Variants in RBBP8NL observed in about 807,000 individuals in gnomAD.
RBBP8NL encodes the protein RBBP8 N-terminal-like protein.
Under a neutral mutation model 62.2 loss-of-function variants are expected in RBBP8NL, and 59 were observed. That is an observed-to-expected ratio of 0.95 (90% CI 0.77 to 1.18). The LOEUF is 1.18. Ranked by LOEUF, RBBP8NL falls within the 50% of genes most tolerant of loss-of-function variation. RBBP8NL has a pLI of 0.00. For missense variants in RBBP8NL, 896 were observed against 899.5 expected, an observed-to-expected ratio of 1.00 and a Z score of 0.05; for synonymous variants, 412 against 394.1, an observed-to-expected ratio of 1.05 and a Z score of -0.54.
chr20:62,422,643 T>TGGGGACGGGGCCCAGGGG (rs1988730893), intron 1 of RBBP8NL, among the ~76,000 whole-genome samples: 1 of 11,040 alleles, frequency 9.1e-5, no homozygotes, highest in Admixed American at 1.0e-3. Context: ...GGGCCCGGGG[T>TGGGGACGGGGCCCAGGGG]GGGGATGGGG....
chr20:62,417,725 A>T (rs78231276), intron 3 of RBBP8NL, among the ~76,000 whole-genome samples: 4 of 67,646 alleles, frequency 5.9e-5, no homozygotes, highest in African/African-American at 6.6e-5. Context: ...ACGCCCCCCC[A>T]GTCATCTGCA....
chr20:62,415,527 T>G (rs892400750), intron 8 of RBBP8NL, 51 bp downstream of exon 8: 9 of 1,586,276 alleles, frequency 5.7e-6, no homozygotes, highest in Non-Finnish European at 6.9e-6. Context: ...TCCAGCCTCC[T>G]GCCTGCGCCG....
chr20:62,422,510 G>A (rs987537672), intron 1 of RBBP8NL, among the ~76,000 whole-genome samples: 3 of 101,222 alleles, frequency 3.0e-5, no homozygotes, highest in African/African-American at 7.6e-5. Flanking sequence ...CTTGGACCCC[G>A]AGAGAGGCCT....
At position 62,417,309 on chromosome 20, in the gene RBBP8NL, T is replaced by C. The variant is rs374860260; in HGVS notation, c.115A>G (p.Arg39Gly). ...TTCTTGGAGAAGAGCTCCTCGATCCTCTGGGCGTCCCTGTGGTGGGAAACA... is the reference window on the plus strand; with the variant it reads ...TTCTTGGAGAAGAGCTCCTCGATCCCCTGGGCGTCCCTGTGGTGGGAAACA... The part of the protein sequence containing the change: ...LNSERCRDAQ[R>G]IEELFSKNHQ... Residue 39 changes from arginine to glycine, a missense_variant, in exon 4 of 14, where the codon AGG (arginine) becomes GGG (glycine). Physicochemically the swap from Arg to Gly is moderately radical, Grantham distance 125 (BLOSUM62 -2). Transcript: ENST00000252998. 3 of 1,596,914 alleles carry C rather than the reference T, an allele frequency of 1.9e-6. No homozygotes were observed. The highest frequency in any genetic ancestry group is 2.7e-5 in the African/African-American group (2 of 74,676).
At chr20:62,417,989 C>CGG (rs1569025881) in intron 3 of RBBP8NL, among the ~76,000 whole-genome samples, 1 of 144,232 alleles carries the variant, frequency 6.9e-6, no homozygotes, top group African/African-American at 2.8e-5. Flanking sequence ...ACCGCCCCCC[C>CGG]TGTCATCTGC....
chr20:62,422,639 G>GGGGTGGGGACGGGGCCCA (rs1988730631), intron 1 of RBBP8NL, among the ~76,000 whole-genome samples: 3 of 148,550 alleles, frequency 2.0e-5, no homozygotes, highest in African/African-American at 7.6e-5. Context: ...GATGGGGCCC[G>GGGGTGGGGACGGGGCCCA]GGGTGGGGAT....
At chr20:62,416,986 T>C in intron 4 of RBBP8NL, 114 bp from the exon 5 acceptor site, 2 of 853,292 alleles carry the variant, frequency 2.3e-6, no homozygotes, top group Non-Finnish European at 3.6e-6. Context: ...AACTATTCCG[T>C]AGAGCCCCAG....
In RBBP8NL at chr20:62,415,490, G is replaced by A. The variant is rs905039531; in HGVS notation, c.627+88C>T. On this transcript the variant is annotated intron_variant, in intron 8 of 13. Transcript: ENST00000252998. Reference sequence around the variant, plus strand: ...CACATTCAGGGTTAGGCGCATGAGAGGCTGGCATACTGAAAGTGCAGCTGC... The same window carrying A: ...CACATTCAGGGTTAGGCGCATGAGAAGCTGGCATACTGAAAGTGCAGCTGC... 5.6e-5 allele frequency: 82 copies of A among 1,468,558 alleles called. 1 individual carries two copies. The highest frequency in any genetic ancestry group is 1.2e-4 in the Admixed American group (7 of 59,284). 91.0% of individuals were successfully genotyped at this position (1,468,558 alleles called of 1,614,324 possible).
Position 62,416,177 on chromosome 20 carries a change from G to T in RBBP8NL, c.373C>A (p.Leu125Ile). 1 of 1,612,576 alleles carries T rather than the reference G, an allele frequency of 6.2e-7. No homozygotes were observed. Among genetic ancestry groups the T allele is most frequent in the Non-Finnish European group, 8.5e-7 (1 of 1,179,608 alleles). ...NETLKEEVKR[L>I]RGLGDRPKPR... ...TTTCCCACTCACCCCAGGCCCCGAA[G>T]CCGCTTCACCTCCTCCTTCAAGGTC... The change falls in exon 6 of 14, where the codon CTT becomes ATT. Residue 125 changes from leucine (L) to isoleucine (I), a missense_variant. Coordinates refer to ENST00000252998, the MANE Select transcript of RBBP8NL (RefSeq NM_080833.3).
Position 62,417,440 on chromosome 20 carries a change from G to A in RBBP8NL, c.105-121C>T, listed in dbSNP as rs551208563. The stretch of plus-strand genomic sequence containing the variant: ...CCTGCAGCCTTGGTCTGGGGGCAAC[G>A]CCTAACCCGGTGCCCCCCTCCCAGT... On this transcript the variant is annotated intron_variant, in intron 3 of 13. Coordinates refer to ENST00000252998, the MANE Select transcript of RBBP8NL (RefSeq NM_080833.3). The A allele has an allele frequency of 2.0e-3, 1,381 of 693,112 alleles. 28 individuals are homozygous for A. In the African/African-American group the frequency reaches 0.031, roughly 15 times the overall value. 42.9% of individuals were successfully genotyped at this position (693,112 alleles called of 1,614,324 possible).
intron 13 of RBBP8NL, 136 bp from the exon 14 acceptor site, chr20:62,411,132 G>T: frequency 1.5e-6 from 1 of 669,356 alleles, no homozygotes; most frequent in Non-Finnish European, 2.7e-6. Context: ...GGCCACCCTT[G>T]TTCCTACAGA....
At chr20:62,423,478 G>C (rs765477318) in intron 1 of RBBP8NL, among the ~76,000 whole-genome samples, 2 of 152,190 alleles carry the variant, frequency 1.3e-5, no homozygotes, top group Non-Finnish European at 2.9e-5. Flanking sequence ...GGGCCAGGAG[G>C]GGGCGGAGCT....
Position 62,414,458 on chromosome 20 carries a change from A to G in RBBP8NL, c.893T>C (p.Leu298Pro). 1 of 1,492,812 alleles carries G rather than the reference A, an allele frequency of 6.7e-7. No homozygotes were observed. Among genetic ancestry groups the G allele is most frequent in the Non-Finnish European group, 9.0e-7 (1 of 1,117,278 alleles). The allele number at this position is 1,492,812 out of a possible 1,614,324, so 92.5% of individuals were successfully genotyped here. A position where few individuals can be genotyped will look rare whatever the true frequency, so the allele number is the denominator to read the frequency against. ...RLCLLNRPLSLHLQSPHSSPL... is the reference protein window; with the variant it reads ...RLCLLNRPLSPHLQSPHSSPL... Reference sequence around the variant, plus strand: ...GCTGCTGTGGGGGCTCTGAAGGTGCAGGGACAGGGGGCGGTTTAGGAGGCA... The same window carrying G: ...GCTGCTGTGGGGGCTCTGAAGGTGCGGGGACAGGGGGCGGTTTAGGAGGCA... The change falls in exon 10 of 14, where the codon CTG (leucine) becomes CCG (proline). Residue 298 changes from leucine to proline, a missense_variant. Leu to Pro is a moderately conservative substitution (Grantham distance 98). Transcript: ENST00000252998.
At position 62,413,999 on chromosome 20, in the gene RBBP8NL, C is replaced by A; in HGVS notation, c.1352G>T (p.Arg451Leu). The change falls in exon 10 of 14, where the codon CGG becomes CTG. Residue 451 changes from arginine (R) to leucine (L), a missense_variant. Arg to Leu is a moderately radical substitution (Grantham distance 102). Transcript: ENST00000252998. ...GGCCGGCTTGGGAGTGTCCTGGCCC[C>A]GGGCCCGGCCCCACTCCGAGAGGTC... The part of the protein sequence containing the change: ...PLDLSEWGRA[R>L]GQDTPKPAGQ... 6.4e-7 allele frequency: 1 copy of A among 1,569,580 alleles called. No homozygotes were observed. Among genetic ancestry groups the A allele is most frequent in the Non-Finnish European group, 8.6e-7 (1 of 1,158,336 alleles).
Position 62,410,717 on chromosome 20 carries a change from G to GAGCT in RBBP8NL, c.*157_*160dup. 1 of 651,612 alleles carries GAGCT rather than the reference G, an allele frequency of 1.5e-6. No individual in the cohort carries two copies. Among genetic ancestry groups the GAGCT allele is most frequent in the Non-Finnish European group, 2.7e-6 (1 of 367,770 alleles). The allele number at this position is 651,612 out of a possible 1,614,324, so 40.4% of individuals were successfully genotyped here. A position where few individuals can be genotyped will look rare whatever the true frequency, so the allele number is the denominator to read the frequency against. On this transcript the variant is annotated 3_prime_UTR_variant, in exon 14 of 14. Transcript: ENST00000252998. ...CTCCAGGCTGTGGTGAGCAGGCAGA[G>GAGCT]AGCTGCCCTGGGCTCACTGTGGGTT...
intron 1 of RBBP8NL, among the ~76,000 whole-genome samples, chr20:62,426,780 C>T (rs573006005): frequency 6.6e-6 from 1 of 152,364 alleles, no homozygotes; most frequent in South Asian, 2.1e-4. Flanking sequence ...ACTCGTGTAC[C>T]CCACACGCGC....
At position 62,424,852 on chromosome 20, in the gene RBBP8NL, C is replaced by T. The variant is rs536921342; in HGVS notation, c.-84+2608G>A. 3.3e-5 allele frequency among the ~76,000 whole-genome samples: 5 copies of T among 152,248 alleles called. No individual in the cohort carries two copies. In the East Asian group the frequency reaches 7.7e-4, roughly 24 times the overall value. ...GTTTGCTGTTGTTAATCCTACCTCA[C>T]GCATTCTCAGAGCCCCAGCAGAGAG... On this transcript the variant is annotated intron_variant, in intron 1 of 13. Transcript: ENST00000252998.
chr20:62,414,762 C>A (rs1256780554), intron 9 of RBBP8NL, among the ~76,000 whole-genome samples: 1 of 152,228 alleles, frequency 6.6e-6, no homozygotes, highest in Non-Finnish European at 1.5e-5. Flanking sequence ...GCTGTGTGGA[C>A]CTGGCCAGAG....
intron 1 of RBBP8NL, among the ~76,000 whole-genome samples, chr20:62,426,698 C>T (rs1988816051): frequency 6.6e-6 from 1 of 152,242 alleles, no homozygotes; most frequent in South Asian, 2.1e-4. Context: ...TGAGCCCTGA[C>T]CCAGGCTCCT....
Sources: allele counts gnomAD v4.1 joint callset (sites outside exome capture counted in the v4.1 genomes callset), GRCh38; gene constraint gnomAD v4.1.1; transcripts MANE v1.5; gene names NCBI Gene and HGNC (gene_info 2026-07-23, HGNC 2026-07-21).